DLGAP1: variants seen among roughly 807,000 people sequenced by gnomAD.
DLGAP1 encodes disks large-associated protein 1.
DLGAP1 carries 11 observed loss-of-function variants against 90.8 expected under a neutral mutation model. The ratio of observed to expected loss-of-function variants is 0.12; its 90% CI spans 0.08 to 0.20. The LOEUF (loss-of-function observed/expected upper bound fraction) is 0.20, where lower values mean the gene tolerates loss of function less well. DLGAP1 is among the 10% of genes least tolerant of loss of function. The pLI is 1.00. For missense variants in DLGAP1, 1,050 were observed against 1,333.8 expected (o/e 0.79, Z 3.31); for synonymous variants, 558 against 540.7 (o/e 1.03, Z -0.44).
intron 7 of DLGAP1, among the ~76,000 whole-genome samples, chr18:3,677,936 G>A (rs111856302): frequency 0.021 from 2,920 of 140,474 alleles, 120 homozygotes; most frequent in East Asian, 0.18. Context: ...TGGGATTACA[G>A]GCGTGAGCCA....
Position 4,433,355 on chromosome 18 carries a change from T to C in DLGAP1, c.-267+21651A>G, listed in dbSNP as rs903377000. On this transcript the variant is annotated intron_variant, in intron 1 of 12. Transcript: ENST00000315677. ...CTAATTTAAGTTTACTGTTGAGGGC[T>C]GTTTGACATAATGATCAACTATTTT... 7.9e-5 allele frequency among the ~76,000 whole-genome samples: 12 copies of C among 152,342 alleles called. No homozygotes were observed. In the East Asian group the frequency reaches 2.3e-3, roughly 29 times the overall value.
chr18:4,432,582 C>G (rs2083308230), intron 1 of DLGAP1, among the ~76,000 whole-genome samples: 1 of 106,048 alleles, frequency 9.4e-6, no homozygotes, highest in South Asian at 3.5e-4. Flanking sequence ...CATCCATCAC[C>G]TCACATAGTG....
chr18:3,850,677 G>A (rs1476094523), intron 4 of DLGAP1, among the ~76,000 whole-genome samples: 1 of 152,140 alleles, frequency 6.6e-6, no homozygotes, highest in East Asian at 1.9e-4. Context: ...TCTGTATATA[G>A]TAGCATGATA....
At chr18:3,720,896 A>AAAAAAAAAAAG (rs1568012871) in intron 7 of DLGAP1, among the ~76,000 whole-genome samples, 3 of 125,796 alleles carry the variant, frequency 2.4e-5, no homozygotes, top group African/African-American at 3.6e-5. Context: ...TACAAAAAAA[A>AAAAAAAAAAAG]AAAAAAAAAA....
At chr18:4,082,049 A>G (rs2075615509) in intron 2 of DLGAP1, among the ~76,000 whole-genome samples, 1 of 151,976 alleles carries the variant, frequency 6.6e-6, no homozygotes, top group Non-Finnish European at 1.5e-5. Flanking sequence ...CTCTATTAAA[A>G]ATACAAAAAG....
At chr18:3,897,851 G>C (rs1477935956) in intron 3 of DLGAP1, among the ~76,000 whole-genome samples, 1 of 143,316 alleles carries the variant, frequency 7.0e-6, no homozygotes, top group African/African-American at 2.6e-5. Context: ...GCGGACTGCA[G>C]TGGCGCAATC....
intron 4 of DLGAP1, among the ~76,000 whole-genome samples, chr18:3,868,469 G>A (rs920646710): frequency 6.6e-6 from 1 of 152,168 alleles, no homozygotes; most frequent in African/African-American, 2.4e-5. Context: ...GACGTCCACA[G>A]AGGAGCTTAG....
intron 3 of DLGAP1, among the ~76,000 whole-genome samples, chr18:3,971,981 A>G (rs2073459488): frequency 6.6e-6 from 1 of 151,928 alleles, no homozygotes; most frequent in East Asian, 1.9e-4. Context: ...CTAAGGGAAG[A>G]CTCTTTACTT....
At chr18:4,208,158 A>C (rs904590535) in intron 1 of DLGAP1, among the ~76,000 whole-genome samples, 1 of 152,232 alleles carries the variant, frequency 6.6e-6, no homozygotes, top group Non-Finnish European at 1.5e-5. Context: ...AATAAAACAT[A>C]AAATCTCTGC....
chr18:3,535,205 A>G (rs1467191628), intron 9 of DLGAP1, among the ~76,000 whole-genome samples: 4 of 152,044 alleles, frequency 2.6e-5, no homozygotes, highest in East Asian at 1.9e-4. Flanking sequence ...TTTTTGCTCA[A>G]TATGGAATAT....
intron 10 of DLGAP1, among the ~76,000 whole-genome samples, chr18:3,524,700 T>C (rs1033314356): frequency 6.6e-6 from 1 of 152,186 alleles, no homozygotes; most frequent in Non-Finnish European, 1.5e-5. Flanking sequence ...CTGGGTAACA[T>C]TGTGAGACCC....
At chr18:4,349,839 G>T (rs375404542) in intron 1 of DLGAP1, among the ~76,000 whole-genome samples, 1 of 152,106 alleles carries the variant, frequency 6.6e-6, no homozygotes, top group African/African-American at 2.4e-5. Flanking sequence ...CTTTCTATTT[G>T]TGAGGCTTAC....
At chr18:3,626,999 C>T (rs528415375) in intron 7 of DLGAP1, among the ~76,000 whole-genome samples, 11 of 152,218 alleles carry the variant, frequency 7.2e-5, no homozygotes, top group South Asian at 6.2e-4. Flanking sequence ...GCACTTTAAA[C>T]GAGTGGATTT....
At chr18:4,330,047 G>T (rs1019660169) in intron 1 of DLGAP1, among the ~76,000 whole-genome samples, 2 of 151,920 alleles carry the variant, frequency 1.3e-5, no homozygotes, top group Non-Finnish European at 2.9e-5. Context: ...ATGCTTGATA[G>T]ACATTGAGCT....
chr18:3,703,140 C>T (rs1839290107), intron 7 of DLGAP1, among the ~76,000 whole-genome samples: 1 of 152,150 alleles, frequency 6.6e-6, no homozygotes, highest in South Asian at 2.1e-4. Flanking sequence ...CATGATGGCA[C>T]TAGAGGTCCT....
chr18:4,393,909 C>T (rs1023922613), intron 1 of DLGAP1, among the ~76,000 whole-genome samples: 3 of 152,188 alleles, frequency 2.0e-5, no homozygotes, highest in Middle Eastern at 3.4e-3. Flanking sequence ...AATCTAATGC[C>T]GCTGCTGATC....
chr18:4,174,867 G>C (rs1249993870), intron 1 of DLGAP1, among the ~76,000 whole-genome samples: 1 of 152,110 alleles, frequency 6.6e-6, no homozygotes, highest in Non-Finnish European at 1.5e-5. Flanking sequence ...GCAGTGTTTG[G>C]TTTTCTGTTT....
chr18:4,236,566 T>G (rs1480614910), intron 1 of DLGAP1, among the ~76,000 whole-genome samples: 1 of 152,230 alleles, frequency 6.6e-6, no homozygotes, highest in Non-Finnish European at 1.5e-5. Flanking sequence ...CACCCTAATT[T>G]ACAAGCTGCA....
At chr18:4,213,248 T>A (rs1019802674) in intron 1 of DLGAP1, among the ~76,000 whole-genome samples, 6 of 151,776 alleles carry the variant, frequency 4.0e-5, no homozygotes, top group Admixed American at 1.3e-4. Flanking sequence ...CATTGAAGGG[T>A]TTGGAGGAGC....
Sources: allele counts gnomAD v4.1 joint callset (sites outside exome capture counted in the v4.1 genomes callset), GRCh38; gene constraint gnomAD v4.1.1; transcripts MANE v1.5; gene names NCBI Gene and HGNC (gene_info 2026-07-23, HGNC 2026-07-21).